Variants in RNASEH1 observed in about 807,000 individuals in gnomAD.
RNASEH1 encodes ribonuclease H type II.
Under a neutral mutation model 34.6 loss-of-function variants are expected in RNASEH1, and 27 were observed. The ratio of observed to expected loss-of-function variants is 0.78; its 90% CI spans 0.58 to 1.08. The LOEUF (loss-of-function observed/expected upper bound fraction) is 1.08, where lower values mean the gene tolerates loss of function less well. Among genes scored for constraint, RNASEH1 ranks in the 50% least tolerant of loss-of-function variants. The pLI, the probability that RNASEH1 is intolerant of heterozygous loss-of-function variation, is 0.00. For missense variants in RNASEH1, 349 were observed against 373.6 expected (o/e 0.93, Z 0.54); for synonymous variants, 162 against 138.4 (o/e 1.17, Z -1.20).
chr2:3,539,303 C>A (rs755149663), downstream of RNASEH1, among the ~76,000 whole-genome samples: 5 of 152,296 alleles, frequency 3.3e-5, 1 homozygote, highest in South Asian at 8.3e-4. Flanking sequence ...GCAGAGACAG[C>A]GGTCCACTTG....
At chr2:3,554,906 T>A (rs1467601043) in intron 2 of RNASEH1, among the ~76,000 whole-genome samples, 1 of 152,234 alleles carries the variant, frequency 6.6e-6, no homozygotes, top group Non-Finnish European at 1.5e-5. Context: ...AGGAGGCGGC[T>A]CAGCATTACT....
intron 7 of RNASEH1, among the ~76,000 whole-genome samples, chr2:3,547,179 G>GTT (rs1317153527): frequency 6.6e-6 from 1 of 152,094 alleles, no homozygotes; most frequent in African/African-American, 2.4e-5. Flanking sequence ...ATGTGGGTGG[G>GTT]TTTGTTTTGT....
chr2:3,532,446 C>T, the RNASEH1 span: 17 of 680,630 alleles, frequency 2.5e-5, no homozygotes, highest in Middle Eastern at 2.3e-4. Context: ...GGCCCCGTTA[C>T]TCAGCCTCGC....
rs1222655140 is a variant in RNASEH1, at chr2:3,541,461, TTTTA to T, written c.*4320_*4323del. Among the ~76,000 whole-genome samples, 1 of 152,220 alleles carries T rather than the reference TTTTA, an allele frequency of 6.6e-6. No individual in the cohort carries two copies. The highest frequency in any genetic ancestry group is 1.5e-5 in the Non-Finnish European group (1 of 68,036). ...TTCACGGCAGCTTTATTTGCTTTATTTTTATTTAGAAATTGGAAATAATCGAAAT... is the reference window on the plus strand; with the variant it reads ...TTCACGGCAGCTTTATTTGCTTTATTTTTAGAAATTGGAAATAATCGAAAT... On this transcript the variant is annotated 3_prime_UTR_variant, in exon 8 of 8. Transcript: ENST00000315212.
At chr2:3,553,011 G>A (rs955480439) in intron 2 of RNASEH1, among the ~76,000 whole-genome samples, 2 of 152,252 alleles carry the variant, frequency 1.3e-5, no homozygotes, top group East Asian at 1.9e-4. Flanking sequence ...GGGCTGGGAA[G>A]CCGAGGCGGG....
intron 1 of RNASEH1, among the ~76,000 whole-genome samples, chr2:3,557,345 C>G (rs1484788349): frequency 6.6e-6 from 1 of 152,194 alleles, no homozygotes; most frequent in African/African-American, 2.4e-5. Context: ...AGACTCTACA[C>G]CTGTGTTCTA....
chr2:3,558,212 G>A lies in RNASEH1; in HGVS notation c.49C>T (p.Pro17Ser). 6.3e-7 allele frequency: 1 copy of A among 1,599,992 alleles called. No individual in the cohort carries two copies. Among genetic ancestry groups the A allele is most frequent in the Non-Finnish European group, 8.5e-7 (1 of 1,175,308 alleles). ...AACCCGCGAGAGCCGCGGCGGCAGGGCAAGGCGGCCAAGGCGACTCTGTGG... is the reference window on the plus strand; with the variant it reads ...AACCCGCGAGAGCCGCGGCGGCAGGACAAGGCGGCCAAGGCGACTCTGTGG... ...LAHRVALAAL[P>S]CRRGSRGFGM... The change falls in exon 1 of 8, where the codon CCC (proline) becomes TCC (serine). Residue 17 changes from proline to serine, a missense_variant. Pro to Ser is a moderately conservative substitution (Grantham distance 74). This residue lies in a region of RNASEH1 where 256 missense variants were observed against 240.7 expected (regional missense o/e 1.06). Coordinates refer to ENST00000315212, the MANE Select transcript of RNASEH1 (RefSeq NM_002936.6).
chr2:3,545,932 A>G, intron 7 of RNASEH1, 61 bp from the exon 8 acceptor site: 2 of 1,209,098 alleles, frequency 1.7e-6, no homozygotes, highest in South Asian at 1.2e-5. Context: ...ACACATGACT[A>G]TATTGTCATC....
chr2:3,557,266 C>G (rs1395396229), intron 1 of RNASEH1, among the ~76,000 whole-genome samples: 1 of 152,094 alleles, frequency 6.6e-6, no homozygotes, highest in Non-Finnish European at 1.5e-5. Context: ...AGGATGCAAA[C>G]TGGATATAGA....
At chr2:3,536,570 C>T (rs149456846), downstream of RNASEH1, among the ~76,000 whole-genome samples, 51 of 152,342 alleles carry the variant, frequency 3.3e-4, 1 homozygote, top group East Asian at 8.7e-3. Context: ...ACCCCTGCTC[C>T]GGGGCTGTCA....
intron 7 of RNASEH1, among the ~76,000 whole-genome samples, chr2:3,546,337 C>A (rs1157024203): frequency 6.6e-6 from 1 of 152,072 alleles, no homozygotes; most frequent in Non-Finnish European, 1.5e-5. Flanking sequence ...GAAGGCAGAA[C>A]AAGGCAGGGT....
the RNASEH1 span, among the ~76,000 whole-genome samples, chr2:3,535,624 T>C: frequency 1.3e-5 from 2 of 150,704 alleles, no homozygotes; most frequent in Non-Finnish European, 2.9e-5. Flanking sequence ...AGTTGGCAAG[T>C]GCAGGTGAGG....
chr2:3,553,196 G>C (rs377413758), intron 2 of RNASEH1, among the ~76,000 whole-genome samples: 26 of 151,624 alleles, frequency 1.7e-4, no homozygotes, highest in African/African-American at 5.3e-4. Flanking sequence ...TACAGTGAGC[G>C]GAGATCGCGC....
chr2:3,557,875 T>G, intron 1 of RNASEH1: 2 of 1,481,652 alleles, frequency 1.3e-6, no homozygotes, highest in South Asian at 2.4e-5. Context: ...AAACACAGGG[T>G]TTATTAGGCC....
intron 2 of RNASEH1, among the ~76,000 whole-genome samples, chr2:3,556,576 C>G (rs1292083763): frequency 1.3e-5 from 2 of 152,132 alleles, no homozygotes; most frequent in Non-Finnish European, 2.9e-5. Context: ...CTGAATGGAA[C>G]AGGAGAGCTG....
At chr2:3,536,431 G>C (rs894687968), downstream of RNASEH1, among the ~76,000 whole-genome samples, 1 of 152,176 alleles carries the variant, frequency 6.6e-6, no homozygotes, top group Non-Finnish European at 1.5e-5. Context: ...GAGTCCCCTC[G>C]TGGACCAGGC....
chr2:3,550,142 TAAAAAAAAAAAA>T (rs1162099553), intron 4 of RNASEH1: 4 of 241,378 alleles, frequency 1.7e-5, no homozygotes, highest in Non-Finnish European at 2.3e-5. Context: ...GACCGTGTCT[TAAAAAAAAAAAA>T]AAAAAAAAAA....
rs1372576695 is a variant in RNASEH1, at chr2:3,557,947, C to G, written c.128+186G>C. ...ACAAGTCTTCGGTGCGTTCCAGTCC[C>G]AGGCCATGAGCCTCCTGGAACCCCG... is the stretch of plus-strand genomic sequence containing the variant. On this transcript the variant is annotated intron_variant, in intron 1 of 7. Transcript: ENST00000315212. The G allele has an allele frequency of 4.3e-5, 66 of 1,524,696 alleles. 1 individual carries two copies. In the Admixed American group the frequency reaches 1.3e-3, roughly 31 times the overall value. The allele number at this position is 1,524,696 out of a possible 1,614,324, so 94.4% of individuals were successfully genotyped here. A position where few individuals can be genotyped will look rare whatever the true frequency, so the allele number is the denominator to read the frequency against.
At position 3,545,078 on chromosome 2, in the gene RNASEH1, GT is replaced by G. The variant is rs1186010109; in HGVS notation, c.*706del. On this transcript the variant is annotated 3_prime_UTR_variant, in exon 8 of 8. Transcript: ENST00000315212. ...AAGTGAGCCACTGTGCCCAGCCGGTGTCTTACTTTTTTTTTTTTTTTTTTAA... is the reference window on the plus strand; with the variant it reads ...AAGTGAGCCACTGTGCCCAGCCGGTGCTTACTTTTTTTTTTTTTTTTTTAA... 2.7e-5 allele frequency: 4 copies of G among 147,452 alleles called. No homozygotes were observed. In the East Asian group the frequency reaches 7.9e-4, roughly 29 times the overall value. The allele number at this position is 147,452 out of a possible 1,614,324, so 9.1% of individuals were successfully genotyped here. A position where few individuals can be genotyped will look rare whatever the true frequency, so the allele number is the denominator to read the frequency against.
Sources: allele counts gnomAD v4.1 joint callset (sites outside exome capture counted in the v4.1 genomes callset), GRCh38; gene constraint gnomAD v4.1.1; regional missense constraint gnomAD v4.1.1; transcripts MANE v1.5; gene names NCBI Gene and HGNC (gene_info 2026-07-23, HGNC 2026-07-21).